Variants in KLF12 observed in about 807,000 individuals in gnomAD.
The protein encoded by KLF12 is KLF transcription factor 12.
A neutral mutation model predicts 37.8 loss-of-function variants in KLF12; 9 were observed. The ratio of observed to expected loss-of-function variants is 0.24; its 90% confidence interval spans 0.14 to 0.42. The LOEUF is 0.42. Ranked by LOEUF, KLF12 falls within the 10% of genes least tolerant of loss-of-function variation. The probability of loss-of-function intolerance (pLI) is 1.00; values close to 1 mark genes in which losing one functional copy is unlikely to be tolerated. For missense variants in KLF12, 411 were observed against 516.0 expected, an observed-to-expected ratio of 0.80 and a Z score of 1.97; for synonymous variants, 208 against 202.1, an observed-to-expected ratio of 1.03 and a Z score of -0.25.
the KLF12 span, among the ~76,000 whole-genome samples, chr13:74,290,083 A>G: frequency 6.6e-6 from 1 of 152,298 alleles, no homozygotes; most frequent in East Asian, 1.9e-4. Flanking sequence ...ACAATGCCAG[A>G]AAACCATCCA....
chr13:74,023,388 G>A (rs1173156704), intron 1 of KLF12, among the ~76,000 whole-genome samples: 1 of 152,212 alleles, frequency 6.6e-6, no homozygotes, highest in Non-Finnish European at 1.5e-5. Flanking sequence ...TAGGGCTGCA[G>A]TAAGGAAGTA....
rs1335893615 is a variant in KLF12 at position 73,695,319 on chromosome 13, G to C, written c.*171C>G. On this transcript the variant is annotated 3_prime_UTR_variant, in exon 8 of 8. Coordinates refer to ENST00000377669, the MANE Select transcript of KLF12 (RefSeq NM_007249.5). ...AGACGGTTCTCGTCTAGTCATGATG[G>C]GGGTTACCTTCAGACCAAAAGAAGT... is the stretch of plus-strand genomic sequence containing the variant. The C allele has an allele frequency of 3.2e-6, 2 of 624,694 alleles. No individual in the cohort carries two copies. The highest frequency in any genetic ancestry group is 5.9e-5 in the Admixed American group (2 of 33,868). 38.7% of individuals were successfully genotyped at this position (624,694 alleles called of 1,614,324 possible).
intron 3 of KLF12, among the ~76,000 whole-genome samples, chr13:73,884,431 A>G (rs935149764): frequency 6.6e-6 from 1 of 152,226 alleles, no homozygotes; most frequent in Non-Finnish European, 1.5e-5. Flanking sequence ...TACATTCAAT[A>G]AAAGAAAAGA....
chr13:73,689,043 T>C lies in KLF12; in HGVS notation c.*6447A>G, dbSNP rs1052282029. 2.0e-5 allele frequency: 3 copies of C among 152,136 alleles called. No homozygotes were observed. The highest frequency in any genetic ancestry group is 7.2e-5 in the African/African-American group (3 of 41,434). 9.4% of individuals were successfully genotyped at this position (152,136 alleles called of 1,614,324 possible). On this transcript the variant is annotated 3_prime_UTR_variant, in exon 8 of 8. Transcript: ENST00000377669. Reference sequence around the variant, plus strand: ...ACGTATCTAAAAATTGCCTAGTCTATTGCTTGGCACACAGTGTTTAATAAA... The same window carrying C: ...ACGTATCTAAAAATTGCCTAGTCTACTGCTTGGCACACAGTGTTTAATAAA...
At chr13:74,293,713 C>G in the KLF12 span, among the ~76,000 whole-genome samples, 1 of 152,128 alleles carries the variant, frequency 6.6e-6, no homozygotes, top group Non-Finnish European at 1.5e-5. Context: ...CCTAATCATC[C>G]AGTTATAGCT....
chr13:74,297,955 A>G, the KLF12 span, among the ~76,000 whole-genome samples: 1 of 152,298 alleles, frequency 6.6e-6, no homozygotes, highest in African/African-American at 2.4e-5. Flanking sequence ...AACATTTGTG[A>G]TGTTTCAGAA....
At chr13:73,906,208 T>C (rs74802183) in intron 3 of KLF12, among the ~76,000 whole-genome samples, 2,855 of 152,284 alleles carry the variant, frequency 0.019, 95 homozygotes, top group Admixed American at 0.088. Context: ...TATTCATATT[T>C]TTGTTTATCC....
the KLF12 span, among the ~76,000 whole-genome samples, chr13:74,230,454 T>C: frequency 2.6e-4 from 40 of 152,202 alleles, no homozygotes; most frequent in Non-Finnish European, 5.0e-4. Context: ...ACACAGAGTA[T>C]GTACCCAATA....
the KLF12 span, among the ~76,000 whole-genome samples, chr13:74,235,495 A>G: frequency 1.3e-5 from 2 of 152,202 alleles, no homozygotes; most frequent in Admixed American, 1.3e-4. Flanking sequence ...ACAGGGGAGA[A>G]ATCAAAGAAG....
At chr13:73,940,676 G>A (rs1275016628) in intron 3 of KLF12, among the ~76,000 whole-genome samples, 1 of 152,210 alleles carries the variant, frequency 6.6e-6, no homozygotes, top group Non-Finnish European at 1.5e-5. Context: ...TATTCACCAT[G>A]TGCCAGAAAC....
intron 1 of KLF12, among the ~76,000 whole-genome samples, chr13:74,053,362 A>G (rs941402459): frequency 1.3e-5 from 2 of 149,770 alleles, no homozygotes; most frequent in African/African-American, 4.9e-5. Context: ...GAAATACCAT[A>G]TATTTTCTTT....
chr13:73,968,970 T>A (rs986210935), intron 2 of KLF12, among the ~76,000 whole-genome samples: 1 of 151,098 alleles, frequency 6.6e-6, no homozygotes, highest in Admixed American at 6.6e-5. Context: ...TCCCATAAAG[T>A]GTCTAAGAAA....
At chr13:74,062,770 A>G (rs953669602) in intron 1 of KLF12, among the ~76,000 whole-genome samples, 2 of 152,204 alleles carry the variant, frequency 1.3e-5, no homozygotes, top group Admixed American at 1.3e-4. Flanking sequence ...TTTGTGTTAA[A>G]AAAGAAAAAC....
the KLF12 span, among the ~76,000 whole-genome samples, chr13:74,229,560 G>A: frequency 6.6e-6 from 1 of 152,172 alleles, no homozygotes; most frequent in African/African-American, 2.4e-5. Context: ...TTTGGAAAAG[G>A]TAAGAGTTTA....
At chr13:74,112,384 T>TTGTG (rs67487546) in intron 1 of KLF12, among the ~76,000 whole-genome samples, 62,740 of 144,964 alleles carry the variant, frequency 0.43, 16,360 homozygotes, top group East Asian at 0.6. Flanking sequence ...TTTGCAGATA[T>TTGTG]TGTCTGTGTG....
intron 3 of KLF12, among the ~76,000 whole-genome samples, chr13:73,914,995 C>A (rs1284875359): frequency 6.6e-6 from 1 of 152,070 alleles, no homozygotes; most frequent in Non-Finnish European, 1.5e-5. Context: ...ATTCTGGAAG[C>A]CTGAAGTCCA....
At chr13:74,207,212 G>A in the KLF12 span, among the ~76,000 whole-genome samples, 1 of 152,174 alleles carries the variant, frequency 6.6e-6, no homozygotes, top group East Asian at 1.9e-4. Flanking sequence ...TGAGGACAGA[G>A]CCCTCATGGC....
the KLF12 span, among the ~76,000 whole-genome samples, chr13:74,288,738 T>G: frequency 5.5e-3 from 843 of 152,282 alleles, 5 homozygotes; most frequent in Non-Finnish European, 9.2e-3. Context: ...GGTGGGATTT[T>G]GGCAGCTACC....
At chr13:74,118,354 T>C (rs934377997) in intron 1 of KLF12, among the ~76,000 whole-genome samples, 1 of 152,212 alleles carries the variant, frequency 6.6e-6, no homozygotes, top group Non-Finnish European at 1.5e-5. Flanking sequence ...TAGTCAACCT[T>C]CTTTAAATAA....
Sources: allele counts gnomAD v4.1 joint callset (sites outside exome capture counted in the v4.1 genomes callset), GRCh38; gene constraint gnomAD v4.1.1; transcripts MANE v1.5; gene names NCBI Gene and HGNC (gene_info 2026-07-23, HGNC 2026-07-21).